CTBS: variants seen among roughly 807,000 people sequenced by gnomAD.
CTBS encodes the protein chitobiase.
Under a neutral mutation model 44.3 loss-of-function variants are expected in CTBS, and 35 were observed. The ratio of observed to expected loss-of-function variants is 0.79; its 90% confidence interval spans 0.60 to 1.05. The LOEUF (loss-of-function observed/expected upper bound fraction) is 1.05, where lower values mean the gene tolerates loss of function less well. Among genes scored for constraint, CTBS ranks in the 50% least tolerant of loss-of-function variants. The pLI, the probability that CTBS is intolerant of heterozygous loss-of-function variation, is 0.00. For missense variants in CTBS, 458 were observed against 475.3 expected, an observed-to-expected ratio of 0.96 and a Z score of 0.34; for synonymous variants, 143 against 168.0, an observed-to-expected ratio of 0.85 and a Z score of 1.15.
Position 84,574,275 on chromosome 1 carries a change from C to A in CTBS, c.141G>T (p.Glu47Asp). 1 of 1,594,106 alleles carries A rather than the reference C, an allele frequency of 6.3e-7. No homozygotes were observed. The highest frequency in any genetic ancestry group is 8.5e-7 in the Non-Finnish European group (1 of 1,171,860). Residue 47 changes from glutamate to aspartate, a missense_variant, in exon 1 of 7, where the codon GAG becomes GAT. Physicochemically the swap from Glu to Asp is conservative, Grantham distance 45. Transcript: ENST00000370630. The stretch of plus-strand genomic sequence containing the variant: ...GATGGTGGCGAATCGGGCGGCAGAG[C>A]TCAGGCTCCGGGCATGGGCAGTCGG... ...AGTDCPCPEPELCRPIRHHPD... is the reference protein window; with the variant it reads ...AGTDCPCPEPDLCRPIRHHPD...
rs573108794 is a variant in CTBS at position 84,563,891 on chromosome 1, A to G, written c.698-59T>C. On this transcript the variant is annotated intron_variant, in intron 4 of 6. Transcript: ENST00000370630. The stretch of plus-strand genomic sequence containing the variant: ...TCTCTTCATATGTCAATGTGTTCAT[A>G]CAAGCTATGCAACCGTTCAGAATCT... 7.7e-5 allele frequency: 119 copies of G among 1,546,738 alleles called. 1 individual carries two copies. The South Asian group carries it at 9.8e-4, about 13-fold the overall frequency.
At chr1:84,570,402 G>T (rs968118378) in intron 2 of CTBS, among the ~76,000 whole-genome samples, 180 bp downstream of exon 2, 1 of 152,138 alleles carries the variant, frequency 6.6e-6, no homozygotes, top group South Asian at 2.1e-4. Flanking sequence ...CCATACAGTG[G>T]TTTAATTCTT....
At chr1:84,558,899 TA>T (rs1298637055) in intron 6 of CTBS, among the ~76,000 whole-genome samples, 1 of 150,476 alleles carries the variant, frequency 6.6e-6, no homozygotes, top group Non-Finnish European at 1.5e-5. Context: ...AAACCTCGTC[TA>T]AAAAAAAAGA....
intron 1 of CTBS, among the ~76,000 whole-genome samples, chr1:84,571,868 T>C (rs536666308): frequency 3.3e-5 from 5 of 152,238 alleles, no homozygotes; most frequent in African/African-American, 1.2e-4. Flanking sequence ...GATATACCTA[T>C]GGACAAAAGA....
Position 84,563,389 on chromosome 1 carries a change from A to G in CTBS, c.825T>C (p.Pro275=). The change falls in exon 6 of 7, where the codon CCT becomes CCC. Residue 275 remains proline, a synonymous_variant. Transcript: ENST00000370630. The part of the protein sequence containing the change: ...EDHVCTIAKV[P]FRGAPCSDAA... ...CGTCACTACAAGGAGCCCCCCGGAA[A>G]GGGACTTTTGCAATGGTACAAACAT... The G allele has an allele frequency of 6.3e-7, 1 of 1,577,236 alleles. No individual in the cohort carries two copies. The highest frequency in any genetic ancestry group is 8.6e-7 in the Non-Finnish European group (1 of 1,164,136).
rs1223997528 is a variant in CTBS at position 84,574,309 on chromosome 1, G to C, written c.107C>G (p.Ala36Gly). The change falls in exon 1 of 7, where the codon GCG (alanine) becomes GGG (glycine). Residue 36 changes from alanine to glycine, a missense_variant. Physicochemically the swap from Ala to Gly is moderately conservative, Grantham distance 60. Coordinates refer to ENST00000370630, the MANE Select transcript of CTBS (RefSeq NM_004388.3). ...CGGGCATGGGCAGTCGGTCCCGGCC[G>C]CGAGCCGCAGCGCCAGCAGCGCCAG... ...ALLALLALRL[A>G]AGTDCPCPEP... The C allele has an allele frequency of 1.1e-5, 17 of 1,543,866 alleles. No individual in the cohort carries two copies. The South Asian group carries it at 1.9e-4, about 17-fold the overall frequency.
In CTBS at chr1:84,554,912, G is replaced by T. The variant is rs1684383983; in HGVS notation, c.*87C>A. 9.7e-7 allele frequency: 1 copy of T among 1,034,160 alleles called. No individual in the cohort carries two copies. The highest frequency in any genetic ancestry group is 1.4e-6 in the Non-Finnish European group (1 of 698,718). The allele number at this position is 1,034,160 out of a possible 1,614,324, so 64.1% of individuals were successfully genotyped here. A position where few individuals can be genotyped will look rare whatever the true frequency, so the allele number is the denominator to read the frequency against. On this transcript the variant is annotated 3_prime_UTR_variant, in exon 7 of 7. Coordinates refer to ENST00000370630, the MANE Select transcript of CTBS (RefSeq NM_004388.3). ...TTTTTTTAGTATACGGATAACAAAA[G>T]TATATAGCAACATAATAAAAATGCA...
chr1:84,553,083 G>T lies in CTBS; in HGVS notation c.*1916C>A. The T allele has an allele frequency of 1.3e-6, 2 of 1,522,640 alleles. No individual in the cohort carries two copies. Among genetic ancestry groups the T allele is most frequent in the South Asian group, 1.3e-5 (1 of 78,132 alleles). 94.3% of individuals were successfully genotyped at this position (1,522,640 alleles called of 1,614,324 possible). On this transcript the variant is annotated 3_prime_UTR_variant, in exon 7 of 7. Transcript: ENST00000370630. ...TTTACGAACATTGAAAACTGAACTG[G>T]CACAGAAAAAAAAAATAATACATCT...
chr1:84,551,924 A>G lies in CTBS; in HGVS notation c.*3075T>C, dbSNP rs1201858036. 6.6e-6 allele frequency: 1 copy of G among 152,126 alleles called. No individual in the cohort carries two copies. Among genetic ancestry groups the G allele is most frequent in the Non-Finnish European group, 1.5e-5 (1 of 68,006 alleles). 9.4% of individuals were successfully genotyped at this position (152,126 alleles called of 1,614,324 possible). A position where few individuals can be genotyped will look rare whatever the true frequency, so the allele number is the denominator to read the frequency against. On this transcript the variant is annotated 3_prime_UTR_variant, in exon 7 of 7. Coordinates refer to ENST00000370630, the MANE Select transcript of CTBS (RefSeq NM_004388.3). ...TTTTCTTCTGGAAAGCATGCACATT[A>G]CTTGTAATCTTTGTATATTTTAACA...
chr1:84,560,695 G>T (rs1055972546), intron 6 of CTBS, among the ~76,000 whole-genome samples: 2 of 152,092 alleles, frequency 1.3e-5, no homozygotes, highest in Non-Finnish European at 2.9e-5. Context: ...CTCTTGTTAG[G>T]GACTAATGAG....
At chr1:84,558,329 G>A (rs1232893782) in intron 6 of CTBS, among the ~76,000 whole-genome samples, 1 of 148,346 alleles carries the variant, frequency 6.7e-6, no homozygotes, top group African/African-American at 2.5e-5. Flanking sequence ...TCGCTCTGTC[G>A]CCCAGGCTGG....
Position 84,553,272 on chromosome 1 carries a change from C to A in CTBS, c.*1727G>T. Reference sequence around the variant, plus strand: ...TCCATGTGGGTATTACAAAATGTTTCAGGAAATATTAGATGTAATATAAAG... The same window carrying A: ...TCCATGTGGGTATTACAAAATGTTTAAGGAAATATTAGATGTAATATAAAG... On this transcript the variant is annotated 3_prime_UTR_variant, in exon 7 of 7. Coordinates refer to ENST00000370630, the MANE Select transcript of CTBS (RefSeq NM_004388.3). 1 of 485,976 alleles carries A rather than the reference C, an allele frequency of 2.1e-6. No individual in the cohort carries two copies. The highest frequency in any genetic ancestry group is 3.7e-6 in the Non-Finnish European group (1 of 273,832). 30.1% of individuals were successfully genotyped at this position (485,976 alleles called of 1,614,324 possible). A position where few individuals can be genotyped will look rare whatever the true frequency, so the allele number is the denominator to read the frequency against.
rs140529130 is a variant in CTBS, at chr1:84,574,076, C to T, written c.177+163G>A. The T allele has an allele frequency of 4.7e-3, 6,831 of 1,449,504 alleles. 21 individuals are homozygous for T. Among genetic ancestry groups the T allele is most frequent in the Non-Finnish European group, 5.5e-3 (6,038 of 1,099,966 alleles). The allele number at this position is 1,449,504 out of a possible 1,614,324, so 89.8% of individuals were successfully genotyped here. A position where few individuals can be genotyped will look rare whatever the true frequency, so the allele number is the denominator to read the frequency against. ...GTTACTCAACTTCTCTGAGCCCGAGCTTCCTCATCTATAAATTGAAGGATC... is the reference window on the plus strand; with the variant it reads ...GTTACTCAACTTCTCTGAGCCCGAGTTTCCTCATCTATAAATTGAAGGATC... On this transcript the variant is annotated intron_variant, in intron 1 of 6. Coordinates refer to ENST00000370630, the MANE Select transcript of CTBS (RefSeq NM_004388.3).
In CTBS at chr1:84,574,107, A is replaced by C. The variant is rs567147839; in HGVS notation, c.177+132T>G. ...CATCTATAAATTGAAGGATCCGTAAACAGGAAGGCCCTCATCGAGTGGTCA... is the reference window on the plus strand; with the variant it reads ...CATCTATAAATTGAAGGATCCGTAACCAGGAAGGCCCTCATCGAGTGGTCA... On this transcript the variant is annotated intron_variant, in intron 1 of 6. Coordinates refer to ENST00000370630, the MANE Select transcript of CTBS (RefSeq NM_004388.3). The C allele has an allele frequency of 4.1e-5, 60 of 1,478,692 alleles. No homozygotes were observed. In the South Asian group the frequency reaches 7.4e-4, roughly 18 times the overall value. The allele number at this position is 1,478,692 out of a possible 1,614,324, so 91.6% of individuals were successfully genotyped here. A position where few individuals can be genotyped will look rare whatever the true frequency, so the allele number is the denominator to read the frequency against.
intron 6 of CTBS, among the ~76,000 whole-genome samples, chr1:84,560,532 T>C (rs1180537768): frequency 6.6e-6 from 1 of 152,198 alleles, no homozygotes; most frequent in African/African-American, 2.4e-5. Context: ...ACCTCCCATG[T>C]CGGGTAAAAT....
chr1:84,558,320 C>A (rs1365455318), intron 6 of CTBS, among the ~76,000 whole-genome samples: 2 of 150,108 alleles, frequency 1.3e-5, no homozygotes, highest in African/African-American at 4.9e-5. Flanking sequence ...GACGGAGTCT[C>A]GCTCTGTCGC....
In CTBS at chr1:84,574,430, C is replaced by A; in HGVS notation, c.-15G>T. 1 of 1,515,504 alleles carries A rather than the reference C, an allele frequency of 6.6e-7. No individual in the cohort carries two copies. Among genetic ancestry groups the A allele is most frequent in the Non-Finnish European group, 8.8e-7 (1 of 1,133,324 alleles). The allele number at this position is 1,515,504 out of a possible 1,614,324, so 93.9% of individuals were successfully genotyped here. A position where few individuals can be genotyped will look rare whatever the true frequency, so the allele number is the denominator to read the frequency against. ...GGCCGGGACATAGCAGCAGGTCTAG[C>A]GGGCCGGAGTGGGTTCCTACCGCCT... is the stretch of plus-strand genomic sequence containing the variant. On this transcript the variant is annotated 5_prime_UTR_variant, in exon 1 of 7. Transcript: ENST00000370630.
At chr1:84,556,230 G>C (rs1684425856) in intron 6 of CTBS, among the ~76,000 whole-genome samples, 1 of 152,138 alleles carries the variant, frequency 6.6e-6, no homozygotes, top group Non-Finnish European at 1.5e-5. Flanking sequence ...AAGGAAAAGG[G>C]AAAGGAGCAG....
intron 5 of CTBS, 128 bp from the exon 6 acceptor site, chr1:84,563,546 G>A (rs565963048): frequency 5.6e-6 from 4 of 717,376 alleles, no homozygotes; most frequent in Non-Finnish European, 6.1e-6. Context: ...CAGAAAAAAG[G>A]TTAAAATAAA....
Sources: gnomAD v4.1 joint callset for allele counts (sites outside exome capture counted in the v4.1 genomes callset) on GRCh38, gnomAD v4.1.1 for gene constraint, MANE v1.5 for transcripts, NCBI Gene and HGNC (gene_info 2026-07-23, HGNC 2026-07-21) for gene names.